KDM4B: variants seen among roughly 807,000 people sequenced by gnomAD.
The protein encoded by KDM4B is lysine-specific demethylase 4B.
Under a neutral mutation model 125.2 loss-of-function variants are expected in KDM4B, and 32 were observed. The observed-to-expected ratio is 0.26, with a 90% CI of 0.19 to 0.34. KDM4B has a LOEUF of 0.34. KDM4B is among the 10% of genes least tolerant of loss of function. The probability of loss-of-function intolerance (pLI) is 1.00; values close to 1 mark genes in which losing one functional copy is unlikely to be tolerated. For synonymous variants in KDM4B, 721 were observed against 677.9 expected, an observed-to-expected ratio of 1.06 and a Z score of -0.99; for missense variants, 1,190 against 1,577.7, an observed-to-expected ratio of 0.75 and a Z score of 4.16.
At chr19:5,062,747 A>G (rs944927276) in intron 6 of KDM4B, among the ~76,000 whole-genome samples, 8 of 146,354 alleles carry the variant, frequency 5.5e-5, no homozygotes, top group Non-Finnish European at 1.1e-4. Context: ...TAGATTTCCT[A>G]AGTAGAAACT....
chr19:5,068,672 CT>C (rs2037852723), intron 6 of KDM4B, among the ~76,000 whole-genome samples: 1 of 152,230 alleles, frequency 6.6e-6, no homozygotes, highest in South Asian at 2.1e-4. Context: ...GGAGGTGCAG[CT>C]CGCTGTTGGG....
intron 6 of KDM4B, among the ~76,000 whole-genome samples, chr19:5,058,981 G>A (rs2037497008): frequency 6.6e-6 from 1 of 152,258 alleles, no homozygotes; most frequent in Admixed American, 6.5e-5. Flanking sequence ...AATCCCGCCA[G>A]GCGGTGTTTG....
intron 2 of KDM4B, among the ~76,000 whole-genome samples, chr19:5,024,086 C>T (rs1474879277): frequency 6.6e-6 from 1 of 152,154 alleles, no homozygotes; most frequent in African/African-American, 2.4e-5. Flanking sequence ...TCATCAGTTT[C>T]TGCGTGTGGC....
intron 2 of KDM4B, among the ~76,000 whole-genome samples, chr19:5,023,704 C>T (rs2036192975): frequency 6.6e-6 from 1 of 151,848 alleles, no homozygotes; most frequent in Admixed American, 6.6e-5. Context: ...CCCACACTTC[C>T]TACCCACAGA....
intron 1 of KDM4B, among the ~76,000 whole-genome samples, chr19:5,013,596 C>T (rs1196589252): frequency 6.6e-6 from 1 of 152,164 alleles, no homozygotes; most frequent in Admixed American, 6.5e-5. Flanking sequence ...GTGTCCGCAT[C>T]CCTCGGCTTG....
chr19:5,042,137 T>G (rs557096470), intron 5 of KDM4B, among the ~76,000 whole-genome samples: 1 of 152,352 alleles, frequency 6.6e-6, no homozygotes, highest in African/African-American at 2.4e-5. Context: ...TTTGAATATT[T>G]GCATATACAT....
chr19:4,989,529 C>T (rs749143351), intron 1 of KDM4B, among the ~76,000 whole-genome samples: 60 of 151,672 alleles, frequency 4.0e-4, no homozygotes, highest in Non-Finnish European at 7.8e-4. Context: ...TTAGTAGAGA[C>T]AGGGTTTTAC....
At chr19:5,046,368 C>G (rs948643211) in intron 5 of KDM4B, among the ~76,000 whole-genome samples, 1 of 152,244 alleles carries the variant, frequency 6.6e-6, no homozygotes, top group African/African-American at 2.4e-5. Context: ...GGGCCTCCCT[C>G]TGCCCCATCT....
At chr19:5,125,217 TTAC>T (rs2039428407) in intron 11 of KDM4B, among the ~76,000 whole-genome samples, 1 of 152,134 alleles carries the variant, frequency 6.6e-6, no homozygotes, top group African/African-American at 2.4e-5. Flanking sequence ...TAACTGTTAT[TTAC>T]TAATCTTCCC....
intron 9 of KDM4B, among the ~76,000 whole-genome samples, chr19:5,108,805 G>C (rs1291083325): frequency 6.6e-6 from 1 of 152,194 alleles, no homozygotes; most frequent in Non-Finnish European, 1.5e-5. Context: ...CTGAGATAAG[G>C]GTTGGCAGAG....
chr19:5,048,090 C>T (rs957552219), intron 6 of KDM4B, among the ~76,000 whole-genome samples: 6 of 152,204 alleles, frequency 3.9e-5, no homozygotes, highest in Non-Finnish European at 7.4e-5. Context: ...GCCGCTCCCT[C>T]GCAGTCTCCG....
intron 9 of KDM4B, among the ~76,000 whole-genome samples, chr19:5,101,320 A>T (rs115801120): frequency 8.2e-4 from 123 of 149,774 alleles, no homozygotes; most frequent in African/African-American, 2.8e-3. Flanking sequence ...ATCATAGTGC[A>T]GGCCCATCTC....
At chr19:5,031,221 A>G (rs1377200520) in intron 2 of KDM4B, among the ~76,000 whole-genome samples, 1 of 152,166 alleles carries the variant, frequency 6.6e-6, no homozygotes, top group Non-Finnish European at 1.5e-5. Context: ...AGGATTGGGT[A>G]CTGGGACCTG....
Position 5,055,765 on chromosome 19 carries a change from G to T in KDM4B, c.626+8096G>T, listed in dbSNP as rs141199296. 9.1e-3 allele frequency among the ~76,000 whole-genome samples: 1,382 copies of T among 152,266 alleles called. 28 individuals are homozygous for T. Among genetic ancestry groups the T allele is most frequent in the African/African-American group, 0.031 (1,305 of 41,536 alleles). On this transcript the variant is annotated intron_variant, in intron 6 of 22. Coordinates refer to ENST00000159111, the MANE Select transcript of KDM4B (RefSeq NM_015015.3). ...GCTTGTGTTTTTCATCCACTTTTTGGTGAAGTCTTCTCCCCCTTTCTCTCT... is the reference window on the plus strand; with the variant it reads ...GCTTGTGTTTTTCATCCACTTTTTGTTGAAGTCTTCTCCCCCTTTCTCTCT...
rs758791451 is a variant in KDM4B at position 5,135,324 on chromosome 19, G to T, written c.2086-15G>T. 1.3e-6 allele frequency: 2 copies of T among 1,574,716 alleles called. No individual in the cohort carries two copies. Among genetic ancestry groups the T allele is most frequent in the Non-Finnish European group, 8.7e-7 (1 of 1,145,632 alleles). The stretch of plus-strand genomic sequence containing the variant: ...CACATGGCTCTGTCCCCTGAAGGTC[G>T]CCTCTCCCCTACAGGCCCTACAGAC... On this transcript the variant is annotated splice_polypyrimidine_tract_variant and intron_variant, in intron 14 of 22. Transcript: ENST00000159111.
In KDM4B at chr19:5,114,985, ACT is replaced by A. The variant is rs1200479598; in HGVS notation, c.1115+4173_1115+4174del. ...GCAGGCTAAGTGCTTATTTATCTCC[ACT>A]CTCTCCTGAAACGCCACTGAAACAC... On this transcript the variant is annotated intron_variant, in intron 10 of 22. Coordinates refer to ENST00000159111, the MANE Select transcript of KDM4B (RefSeq NM_015015.3). The surrounding 1 kb of genome is among the most constrained non-coding windows in gnomAD (Gnocchi z 5.8). 4.6e-5 allele frequency among the ~76,000 whole-genome samples: 7 copies of A among 152,078 alleles called. No individual in the cohort carries two copies. The highest frequency in any genetic ancestry group is 1.2e-4 in the African/African-American group (5 of 41,460).
chr19:5,007,270 C>T (rs1599400209), intron 1 of KDM4B, among the ~76,000 whole-genome samples: 1 of 152,214 alleles, frequency 6.6e-6, no homozygotes, highest in East Asian at 1.9e-4. Context: ...ACTGGCTCCT[C>T]TGTCATTTTC....
At chr19:4,976,265 A>C (rs1216710355) in intron 1 of KDM4B, among the ~76,000 whole-genome samples, 1 of 151,912 alleles carries the variant, frequency 6.6e-6, no homozygotes, top group African/African-American at 2.4e-5. Context: ...AAAAAAAAAA[A>C]AAGGTCATGG....
intron 1 of KDM4B, among the ~76,000 whole-genome samples, chr19:5,000,761 T>C (rs1476272010): frequency 1.3e-5 from 2 of 152,238 alleles, no homozygotes; most frequent in Admixed American, 6.5e-5. Context: ...TGTTTTTGTT[T>C]GTGTTTTGGA....
Sources: allele counts gnomAD v4.1 joint callset (sites outside exome capture counted in the v4.1 genomes callset), GRCh38; gene constraint gnomAD v4.1.1; non-coding constraint Gnocchi (gnomAD v3.1); transcripts MANE v1.5; gene names NCBI Gene and HGNC (gene_info 2026-07-23, HGNC 2026-07-21).